CFAP54: variants seen among roughly 807,000 people sequenced by gnomAD.
CFAP54 encodes the protein cilia and flagella associated protein 54, also known as cilia- and flagella-associated protein 54.
Under a neutral mutation model 370.4 loss-of-function variants are expected in CFAP54, and 290 were observed. That is an observed-to-expected ratio of 0.78 (90% CI 0.71 to 0.86). The LOEUF (loss-of-function observed/expected upper bound fraction) is 0.86, where lower values mean the gene tolerates loss of function less well. CFAP54 is among the 40% of genes least tolerant of loss of function. CFAP54 has a pLI of 0.00. For synonymous variants in CFAP54, 1,206 were observed against 1,236.5 expected (o/e 0.98, Z 0.52); for missense variants, 3,399 against 3,528.7 (o/e 0.96, Z 0.93).
At chr12:96,784,249 G>A (rs1012126449) in intron 60 of CFAP54, among the ~76,000 whole-genome samples, 5 of 151,922 alleles carry the variant, frequency 3.3e-5, no homozygotes, top group South Asian at 2.1e-4. Flanking sequence ...ATTTATTCAC[G>A]TTATTATCAA....
chr12:96,861,091 G>A (rs914956768), intron 67 of CFAP54, 139 bp downstream of exon 67: 5 of 591,576 alleles, frequency 8.5e-6, no homozygotes, highest in Non-Finnish European at 1.3e-5. Flanking sequence ...TTTGAGGAAT[G>A]TCTTAAATTG....
chr12:96,742,122 A>G (rs970428471), intron 51 of CFAP54, among the ~76,000 whole-genome samples: 23 of 152,208 alleles, frequency 1.5e-4, no homozygotes, highest in Admixed American at 1.4e-3. Context: ...ACTTTTAATG[A>G]CACAGAAACT....
chr12:96,861,464 G>A (rs963241874), intron 67 of CFAP54, among the ~76,000 whole-genome samples: 19 of 152,082 alleles, frequency 1.2e-4, no homozygotes, highest in South Asian at 2.1e-4. Flanking sequence ...ATTAAACCCC[G>A]ACATGTGGTA....
At chr12:96,500,636 A>C (rs1198314208) in intron 1 of CFAP54, among the ~76,000 whole-genome samples, 198 bp from the exon 2 acceptor site, 1 of 152,180 alleles carries the variant, frequency 6.6e-6, no homozygotes, top group Non-Finnish European at 1.5e-5. Context: ...AAAAATATGT[A>C]AAGGGCTGCA....
chr12:96,704,753 C>A lies in CFAP54; in HGVS notation c.6485C>A (p.Ser2162Ter). 1.6e-6 allele frequency: 2 copies of A among 1,224,044 alleles called. No homozygotes were observed. The highest frequency in any genetic ancestry group is 1.5e-5 in the South Asian group (1 of 68,460). The allele number at this position is 1,224,044 out of a possible 1,614,324, so 75.8% of individuals were successfully genotyped here. ...KATGKMKIFQ[S>*]FDSGKLLTSK... ...TTTGTATTTTGACAGATCTTTCAAT[C>A]ATTTGACTCAGGAAAACTTCTTACC... The change falls in exon 47 of 68, where the codon TCA becomes TAA. Residue 2162 changes from serine to a stop codon, truncating the protein, a stop_gained. Coordinates refer to ENST00000524981, the MANE Select transcript of CFAP54 (RefSeq NM_001306084.2). LOFTEE classifies it high-confidence loss of function.
intron 14 of CFAP54, among the ~76,000 whole-genome samples, chr12:96,544,275 G>C (rs1955613169): frequency 6.6e-6 from 1 of 152,058 alleles, no homozygotes. Flanking sequence ...CATACCTTTT[G>C]TTAAAGAGTG....
At chr12:96,784,534 AGTCTGTGGTTG>A (rs1414224528) in intron 60 of CFAP54, among the ~76,000 whole-genome samples, 172 bp from the exon 61 acceptor site, 1 of 152,002 alleles carries the variant, frequency 6.6e-6, no homozygotes, top group Non-Finnish European at 1.5e-5. Context: ...ATCTTTTCTC[AGTCTGTGGTTG>A]GTCTTTTAAC....
At chr12:96,708,048 A>G (rs1957564393) in intron 47 of CFAP54, among the ~76,000 whole-genome samples, 1 of 152,120 alleles carries the variant, frequency 6.6e-6, no homozygotes. Flanking sequence ...CACCCCAGGG[A>G]TGCAGACCAT....
intron 58 of CFAP54, among the ~76,000 whole-genome samples, chr12:96,761,271 G>C (rs1453629829): frequency 1.3e-5 from 2 of 152,122 alleles, no homozygotes; most frequent in Non-Finnish European, 2.9e-5. Flanking sequence ...CTTCTTTGGG[G>C]AAATGTCTAT....
intron 66 of CFAP54, among the ~76,000 whole-genome samples, chr12:96,835,440 G>A (rs752127543): frequency 1.2e-4 from 19 of 152,130 alleles, no homozygotes; most frequent in Admixed American, 2.6e-4. Flanking sequence ...CAATGGTACT[G>A]GCAACCCAGC....
At chr12:96,511,253 G>A (rs1455856514) in intron 4 of CFAP54, among the ~76,000 whole-genome samples, 1 of 152,090 alleles carries the variant, frequency 6.6e-6, no homozygotes, top group East Asian at 1.9e-4. Context: ...TGTTTATTAT[G>A]CTTATAGTTG....
intron 32 of CFAP54, among the ~76,000 whole-genome samples, chr12:96,636,007 T>TG (rs1293290320): frequency 1.3e-5 from 2 of 151,978 alleles, no homozygotes; most frequent in African/African-American, 4.8e-5. Flanking sequence ...GTGGGAGGGG[T>TG]GGGGCTGAAA....
intron 61 of CFAP54, among the ~76,000 whole-genome samples, chr12:96,786,424 T>C (rs1003170021): frequency 2.6e-5 from 4 of 151,960 alleles, no homozygotes; most frequent in African/African-American, 9.7e-5. Flanking sequence ...CAGGTGATCC[T>C]CCCACCTCAG....
intron 17 of CFAP54, among the ~76,000 whole-genome samples, chr12:96,561,338 T>C (rs1377163838): frequency 6.6e-6 from 1 of 152,190 alleles, no homozygotes; most frequent in Non-Finnish European, 1.5e-5. Flanking sequence ...CCATGTGAGA[T>C]GTGACTTGTT....
chr12:96,675,814 C>T (rs1414353023), intron 39 of CFAP54, among the ~76,000 whole-genome samples: 1 of 151,974 alleles, frequency 6.6e-6, no homozygotes, highest in Non-Finnish European at 1.5e-5. Flanking sequence ...TGGAAACCAT[C>T]ATTCTCAGCA....
At position 96,623,817 on chromosome 12, in the gene CFAP54, G is replaced by T; in HGVS notation, c.3822G>T (p.Leu1274=). Residue 1274 remains leucine (L), a synonymous_variant, in exon 28 of 68, where the codon CTG becomes CTT. Coordinates refer to ENST00000524981, the MANE Select transcript of CFAP54 (RefSeq NM_001306084.2). ...LKTKKPQQIL[L]PEKINEQLAL... Reference sequence around the variant, plus strand: ...CTAAGAAGCCACAGCAGATACTACTGCCTGAAAAGATAAATGAACAGCTGG... The same window carrying T: ...CTAAGAAGCCACAGCAGATACTACTTCCTGAAAAGATAAATGAACAGCTGG... 6.5e-7 allele frequency: 1 copy of T among 1,535,732 alleles called. No individual in the cohort carries two copies. Among genetic ancestry groups the T allele is most frequent in the South Asian group, 1.2e-5 (1 of 84,036 alleles).
intron 57 of CFAP54, 42 bp from the exon 58 acceptor site, chr12:96,757,453 A>G: frequency 8.8e-7 from 1 of 1,139,164 alleles, no homozygotes; most frequent in Non-Finnish European, 1.3e-6. Context: ...ATGATTATGC[A>G]TGGTGAAGCT....
intron 22 of CFAP54, among the ~76,000 whole-genome samples, chr12:96,588,607 GA>G (rs1956095132): frequency 6.6e-6 from 1 of 152,082 alleles, no homozygotes; most frequent in Non-Finnish European, 1.5e-5. Context: ...TTATTCCCTG[GA>G]GTGGAGAATA....
At chr12:96,682,550 A>G (rs1371183034) in intron 40 of CFAP54, among the ~76,000 whole-genome samples, 2 of 151,856 alleles carry the variant, frequency 1.3e-5, no homozygotes, top group East Asian at 3.9e-4. Context: ...TAATTTTTAT[A>G]TTTTTTGTAG....
Sources: allele counts gnomAD v4.1 joint callset (sites outside exome capture counted in the v4.1 genomes callset), GRCh38; gene constraint gnomAD v4.1.1; transcripts MANE v1.5; gene names NCBI Gene and HGNC (gene_info 2026-07-23, HGNC 2026-07-21).